Variants in RGS17 observed in about 807,000 individuals in gnomAD.
RGS17 encodes the protein regulator of G-protein signaling 17.
RGS17 carries 12 observed loss-of-function variants against 25.5 expected under a neutral mutation model. That is an observed-to-expected ratio of 0.47 (90% CI 0.30 to 0.76). RGS17 has a LOEUF of 0.76. Among genes scored for constraint, RGS17 ranks in the 30% least tolerant of loss-of-function variants. The probability of loss-of-function intolerance (pLI) is 0.07; values close to 1 mark genes in which losing one functional copy is unlikely to be tolerated. For missense variants in RGS17, 196 were observed against 242.2 expected, an observed-to-expected ratio of 0.81 and a Z score of 1.27; for synonymous variants, 71 against 76.9, an observed-to-expected ratio of 0.92 and a Z score of 0.40.
chr6:153,100,966 T>C (rs900463615), intron 1 of RGS17, among the ~76,000 whole-genome samples: 1 of 152,158 alleles, frequency 6.6e-6, no homozygotes, highest in Admixed American at 6.5e-5. Context: ...CCATAAATCT[T>C]CTAACATGTG....
At chr6:153,068,291 C>CAAA (rs112545271) in intron 1 of RGS17, among the ~76,000 whole-genome samples, 17 of 151,776 alleles carry the variant, frequency 1.1e-4, no homozygotes, top group East Asian at 2.0e-4. Flanking sequence ...ACTAAAAATA[C>CAAA]AAAAAACTAG....
intron 1 of RGS17, among the ~76,000 whole-genome samples, chr6:153,060,982 G>C (rs936121438): frequency 6.6e-6 from 1 of 152,126 alleles, no homozygotes; most frequent in African/African-American, 2.4e-5. Context: ...AGTGAAAAAA[G>C]GAGAATGAGA....
At chr6:153,034,739 G>C (rs1404709895) in intron 2 of RGS17, among the ~76,000 whole-genome samples, 2 of 152,150 alleles carry the variant, frequency 1.3e-5, no homozygotes, top group Non-Finnish European at 2.9e-5. Context: ...CATGCCATTA[G>C]AATTTGCGTG....
intron 1 of RGS17, among the ~76,000 whole-genome samples, chr6:153,111,281 T>C (rs1194034335): frequency 6.6e-6 from 1 of 152,152 alleles, no homozygotes; most frequent in African/African-American, 2.4e-5. Context: ...TTACTGAGGC[T>C]TGAGTAGGCA....
chr6:153,088,149 G>A (rs1221281623), intron 1 of RGS17, among the ~76,000 whole-genome samples: 1 of 152,130 alleles, frequency 6.6e-6, no homozygotes, highest in Non-Finnish European at 1.5e-5. Context: ...ATCCACGTAA[G>A]TGAGTTTGGA....
In RGS17 at chr6:153,005,599, C is replaced by T. The variant is rs9397577; in HGVS notation, c.*5975G>A. ...CGGTGATGGCATATACCTTTGATACCATGTGATGAGCATGGCACTTTACCG... is the reference window on the plus strand; with the variant it reads ...CGGTGATGGCATATACCTTTGATACTATGTGATGAGCATGGCACTTTACCG... On this transcript the variant is annotated 3_prime_UTR_variant, in exon 5 of 5. Coordinates refer to ENST00000206262, the MANE Select transcript of RGS17 (RefSeq NM_012419.5). The T allele has an allele frequency of 0.28, 42,136 of 152,030 alleles. 5,963 individuals are homozygous for T. The highest frequency in any genetic ancestry group is 0.33 in the East Asian group (1,699 of 5,162). The allele number at this position is 152,030 out of a possible 1,614,324, so 9.4% of individuals were successfully genotyped here.
chr6:153,073,556 G>A (rs1159247951), intron 1 of RGS17, among the ~76,000 whole-genome samples: 3 of 152,146 alleles, frequency 2.0e-5, no homozygotes, highest in Non-Finnish European at 4.4e-5. Context: ...CTGGGATTAG[G>A]TGATAAGCAG....
chr6:153,046,301 T>G (rs1776383644), intron 1 of RGS17, among the ~76,000 whole-genome samples: 1 of 144,594 alleles, frequency 6.9e-6, no homozygotes. Flanking sequence ...TGACTAAAGT[T>G]AACAATAATA....
intron 3 of RGS17, 77 bp from the exon 4 acceptor site, chr6:153,024,573 A>G (rs1779280201): frequency 1.8e-6 from 2 of 1,083,018 alleles, no homozygotes; most frequent in Non-Finnish European, 1.4e-6. Flanking sequence ...GGAGAGGAGC[A>G]GATAGAAATT....
chr6:153,023,905 A>G (rs1334851989), intron 4 of RGS17, among the ~76,000 whole-genome samples: 1 of 152,174 alleles, frequency 6.6e-6, no homozygotes, highest in African/African-American at 2.4e-5. Context: ...GCTCCAGGTG[A>G]TTCTCATTCA....
rs1448581932 is a variant in RGS17, at chr6:153,009,120, CCTTAT to C, written c.*2449_*2453del. On this transcript the variant is annotated 3_prime_UTR_variant, in exon 5 of 5. Transcript: ENST00000206262. ...AGAGATTAGGACTCTTTATAACGGC[CCTTAT>C]CTTTTACATTTGGTAAAATATTAAA... 2 of 152,000 alleles carry C rather than the reference CCTTAT, an allele frequency of 1.3e-5. No individual in the cohort carries two copies. The highest frequency in any genetic ancestry group is 2.4e-5 in the African/African-American group (1 of 41,400). 9.4% of individuals were successfully genotyped at this position (152,000 alleles called of 1,614,324 possible).
chr6:153,062,793 T>C (rs899641853), intron 1 of RGS17, among the ~76,000 whole-genome samples: 5 of 152,068 alleles, frequency 3.3e-5, no homozygotes, highest in Admixed American at 3.3e-4. Flanking sequence ...GCATCTTGGA[T>C]ACCAGCTCAG....
intron 1 of RGS17, among the ~76,000 whole-genome samples, chr6:153,065,779 A>G (rs950257368): frequency 6.6e-6 from 1 of 152,330 alleles, no homozygotes; most frequent in Admixed American, 6.5e-5. Flanking sequence ...ATACAGTAAA[A>G]GCAGTACTAA....
intron 1 of RGS17, among the ~76,000 whole-genome samples, chr6:153,073,049 T>G (rs1255072809): frequency 6.6e-6 from 1 of 152,216 alleles, no homozygotes; most frequent in Non-Finnish European, 1.5e-5. Flanking sequence ...AGGCAGTGTC[T>G]TGCTTTCCAT....
Position 153,070,330 on chromosome 6 carries a change from A to G in RGS17, c.-25-26287T>C, listed in dbSNP as rs537164472. Among the ~76,000 whole-genome samples the G allele has an allele frequency of 2.2e-4, 34 of 152,304 alleles. 1 individual carries two copies. The highest frequency in any genetic ancestry group is 7.9e-4 in the African/African-American group (33 of 41,566). The stretch of plus-strand genomic sequence containing the variant: ...CAGTTGGTTCAGCTTTTAGCAAAGA[A>G]TAACTCTTGGGAGAGAAGTGGATAT... On this transcript the variant is annotated intron_variant, in intron 1 of 4. Transcript: ENST00000206262.
intron 1 of RGS17, among the ~76,000 whole-genome samples, chr6:153,081,043 T>C (rs540218610): frequency 7.9e-5 from 12 of 152,222 alleles, no homozygotes; most frequent in Admixed American, 7.8e-4. Flanking sequence ...TTGTGATATA[T>C]ATTTATGTGT....
Position 153,024,506 on chromosome 6 carries a change from C to A in RGS17, c.210-10G>T. On this transcript the variant is annotated splice_polypyrimidine_tract_variant and intron_variant, in intron 3 of 4. Transcript: ENST00000206262. The stretch of plus-strand genomic sequence containing the variant: ...TGCAGTGGGGTTTTGGCTGCAGAGA[C>A]AGAACGGGGCCGTGATCAAAGGGAA... The A allele has an allele frequency of 1.3e-6, 2 of 1,593,460 alleles. No individual in the cohort carries two copies. Among genetic ancestry groups the A allele is most frequent in the Non-Finnish European group, 1.7e-6 (2 of 1,161,672 alleles).
chr6:153,128,282 C>T (rs1777733996), intron 1 of RGS17, among the ~76,000 whole-genome samples: 1 of 152,196 alleles, frequency 6.6e-6, no homozygotes, highest in African/African-American at 2.4e-5. Flanking sequence ...TTATTCTCAA[C>T]CTCTGGGTAT....
rs1779095909 is a variant in RGS17, at chr6:153,008,158, T to C, written c.*3416A>G. The C allele has an allele frequency of 6.6e-6, 1 of 152,186 alleles. No individual in the cohort carries two copies. Among genetic ancestry groups the C allele is most frequent in the Admixed American group, 6.5e-5 (1 of 15,284 alleles). 9.4% of individuals were successfully genotyped at this position (152,186 alleles called of 1,614,324 possible). ...ATTTTTGCTCCTAATAAATAAATAT[T>C]ATTCACTTATCCCTATAGTCCTTTG... On this transcript the variant is annotated 3_prime_UTR_variant, in exon 5 of 5. Coordinates refer to ENST00000206262, the MANE Select transcript of RGS17 (RefSeq NM_012419.5).
Sources: gnomAD v4.1 joint callset for allele counts (sites outside exome capture counted in the v4.1 genomes callset) on GRCh38, gnomAD v4.1.1 for gene constraint, MANE v1.5 for transcripts, NCBI Gene and HGNC (gene_info 2026-07-23, HGNC 2026-07-21) for gene names.